Variants in DLG2 observed in about 807,000 individuals in gnomAD.
DLG2 encodes the protein disks large homolog 2.
Under a neutral mutation model 132.5 loss-of-function variants are expected in DLG2, and 45 were observed. That is an observed-to-expected ratio of 0.34 (90% confidence interval 0.27 to 0.44). The LOEUF (loss-of-function observed/expected upper bound fraction) is 0.44, where lower values mean the gene tolerates loss of function less well. Ranked by LOEUF, DLG2 falls within the 20% of genes least tolerant of loss-of-function variation. The pLI is 1.00. For missense variants in DLG2, 1,045 were observed against 1,196.9 expected (o/e 0.87, Z 1.87); for synonymous variants, 424 against 419.6 (o/e 1.01, Z -0.13).
At chr11:84,070,489 C>T (rs1284520232) in intron 10 of DLG2, among the ~76,000 whole-genome samples, 1 of 152,194 alleles carries the variant, frequency 6.6e-6, no homozygotes, top group Admixed American at 6.5e-5. Flanking sequence ...ATAGTGAGTA[C>T]TACACATTAA....
intron 6 of DLG2, among the ~76,000 whole-genome samples, chr11:85,100,651 C>T (rs1387734934): frequency 6.6e-6 from 1 of 152,134 alleles, no homozygotes; most frequent in Admixed American, 6.6e-5. Flanking sequence ...AGGCAAATCT[C>T]CTTGCACATA....
intron 6 of DLG2, among the ~76,000 whole-genome samples, chr11:84,773,889 G>A (rs1373091292): frequency 6.6e-6 from 1 of 152,102 alleles, no homozygotes; most frequent in Non-Finnish European, 1.5e-5. Flanking sequence ...AGACAAGGAT[G>A]CCCACTCTCA....
rs538043561 is a variant in DLG2, at chr11:85,264,776, C to T, written c.186+20444G>A. Among the ~76,000 whole-genome samples, 17 of 152,264 alleles carry T rather than the reference C, an allele frequency of 1.1e-4. 1 individual carries two copies. The highest frequency in any genetic ancestry group is 2.9e-4 in the African/African-American group (12 of 41,572). On this transcript the variant is annotated intron_variant, in intron 4 of 27. Coordinates refer to ENST00000376104, the MANE Select transcript of DLG2 (RefSeq NM_001142699.3). ...TCAGTATTTGCCCCCAGGGGTTTTT[C>T]GCAAGAAACATTTCTTTCAGGTCTC... is the stretch of plus-strand genomic sequence containing the variant.
At chr11:84,529,529 C>G (rs1013366423) in intron 7 of DLG2, among the ~76,000 whole-genome samples, 1 of 152,096 alleles carries the variant, frequency 6.6e-6, no homozygotes, top group African/African-American at 2.4e-5. Flanking sequence ...ATCGAGAACT[C>G]AATCTCATTT....
intron 6 of DLG2, among the ~76,000 whole-genome samples, chr11:85,103,899 G>A (rs888233371): frequency 1.2e-4 from 18 of 151,752 alleles, no homozygotes; most frequent in Admixed American, 4.6e-4. Flanking sequence ...ATTAAAAATC[G>A]GTATAGGATC....
intron 11 of DLG2, among the ~76,000 whole-genome samples, chr11:84,014,940 C>T (rs2154069622): frequency 6.6e-6 from 1 of 152,118 alleles, no homozygotes; most frequent in East Asian, 1.9e-4. Context: ...TGGAAAGTCC[C>T]CTTCCTCGGT....
chr11:84,779,729 T>A (rs946724460), intron 6 of DLG2, among the ~76,000 whole-genome samples: 1 of 152,054 alleles, frequency 6.6e-6, no homozygotes, highest in Non-Finnish European at 1.5e-5. Flanking sequence ...TGAAAGTTCA[T>A]CAGAGACTAT....
At position 84,984,821 on chromosome 11, in the gene DLG2, G is replaced by A. The variant is rs551830501; in HGVS notation, c.357+126840C>T. The stretch of plus-strand genomic sequence containing the variant: ...TTCCATGCAAATTGACACCAAAAGC[G>A]GGCAGGAGTAGCTAGTCCTACATCA... On this transcript the variant is annotated intron_variant, in intron 6 of 27. Coordinates refer to ENST00000376104, the MANE Select transcript of DLG2 (RefSeq NM_001142699.3). 3.3e-5 allele frequency among the ~76,000 whole-genome samples: 5 copies of A among 152,188 alleles called. No individual in the cohort carries two copies. The South Asian group carries it at 1.0e-3, about 32-fold the overall frequency.
At chr11:83,656,805 G>A (rs1465505999) in intron 18 of DLG2, among the ~76,000 whole-genome samples, 6 of 152,030 alleles carry the variant, frequency 3.9e-5, no homozygotes, top group South Asian at 2.1e-4. Context: ...ACACCAATAC[G>A]GGATGATGAT....
chr11:83,544,142 G>T (rs1379673529), intron 19 of DLG2, among the ~76,000 whole-genome samples: 1 of 152,176 alleles, frequency 6.6e-6, no homozygotes, highest in African/African-American at 2.4e-5. Context: ...CACTTCCTGT[G>T]TGACACTACT....
intron 21 of DLG2, among the ~76,000 whole-genome samples, chr11:83,493,255 T>C (rs1169835311): frequency 6.6e-6 from 1 of 152,082 alleles, no homozygotes; most frequent in African/African-American, 2.4e-5. Context: ...TATTCCCCCT[T>C]ATCAGTGAGG....
intron 11 of DLG2, among the ~76,000 whole-genome samples, chr11:84,033,440 C>T (rs1232295200): frequency 6.6e-6 from 1 of 152,110 alleles, no homozygotes; most frequent in African/African-American, 2.4e-5. Context: ...TTGCTGCAAT[C>T]TCGTAATAAA....
chr11:83,728,567 C>A (rs2153696424), intron 18 of DLG2, among the ~76,000 whole-genome samples: 1 of 152,328 alleles, frequency 6.6e-6, no homozygotes, highest in East Asian at 1.9e-4. Flanking sequence ...CACTATCCTG[C>A]AATGTTTTGG....
At chr11:84,380,860 A>T (rs561733968) in intron 7 of DLG2, among the ~76,000 whole-genome samples, 33 of 152,174 alleles carry the variant, frequency 2.2e-4, no homozygotes, top group African/African-American at 7.9e-4. Flanking sequence ...ATCATTTTGC[A>T]TAATTCCAAG....
At chr11:84,163,426 A>T in intron 9 of DLG2, 35 bp downstream of exon 9, 1 of 1,561,062 alleles carries the variant, frequency 6.4e-7, no homozygotes, top group Admixed American at 1.8e-5. Context: ...GAAATGCAAG[A>T]TTGGGGCTTT....
chr11:84,680,857 T>C (rs540822614), intron 6 of DLG2, among the ~76,000 whole-genome samples: 9 of 152,328 alleles, frequency 5.9e-5, no homozygotes, highest in African/African-American at 1.9e-4. Context: ...ACTAACTTTT[T>C]AAATGCTAGA....
chr11:84,733,848 C>T (rs1329108395), intron 6 of DLG2, among the ~76,000 whole-genome samples: 2 of 152,178 alleles, frequency 1.3e-5, no homozygotes, highest in African/African-American at 2.4e-5. Context: ...TTTCAGCTTT[C>T]TACATATGGC....
In DLG2 at chr11:83,468,947, T is replaced by G. The variant is rs186608219; in HGVS notation, c.2619+254A>C. Among the ~76,000 whole-genome samples the G allele has an allele frequency of 7.2e-5, 11 of 152,284 alleles. No homozygotes were observed. The East Asian group carries it at 2.1e-3, about 29-fold the overall frequency. On this transcript the variant is annotated intron_variant, in intron 25 of 27. Coordinates refer to ENST00000376104, the MANE Select transcript of DLG2 (RefSeq NM_001142699.3). ...GCCTTAATAAAATCAAGGTTGTGTA[T>G]TGGGGCCTCAGATAGTGAGTCAAAG...
intron 3 of DLG2, among the ~76,000 whole-genome samples, chr11:85,525,340 C>G (rs1187026249): frequency 6.6e-5 from 10 of 152,106 alleles, no homozygotes; most frequent in Admixed American, 6.5e-4. Flanking sequence ...AATGTTAAAA[C>G]CTTTCCCAGT....
Sources: allele counts gnomAD v4.1 joint callset (sites outside exome capture counted in the v4.1 genomes callset), GRCh38; gene constraint gnomAD v4.1.1; transcripts MANE v1.5; gene names NCBI Gene and HGNC (gene_info 2026-07-23, HGNC 2026-07-21).